TAOK3: variants seen among roughly 807,000 people sequenced by gnomAD.
TAOK3 encodes serine/threonine-protein kinase TAO3.
A neutral mutation model predicts 120.4 loss-of-function variants in TAOK3; 40 were observed. The observed-to-expected ratio is 0.33, with a 90% CI of 0.26 to 0.43. The LOEUF (loss-of-function observed/expected upper bound fraction) is 0.43, where lower values mean the gene tolerates loss of function less well. Ranked by LOEUF, TAOK3 falls within the 20% of genes least tolerant of loss-of-function variation. The pLI is 1.00. For missense variants in TAOK3, 821 were observed against 1,112.1 expected (o/e 0.74, Z 3.72); for synonymous variants, 355 against 387.5 (o/e 0.92, Z 0.99).
At chr12:118,151,445 C>G (rs2034430622) in intron 20 of TAOK3, among the ~76,000 whole-genome samples, 1 of 152,172 alleles carries the variant, frequency 6.6e-6, no homozygotes, top group Admixed American at 6.5e-5. Context: ...CAATGCCGTT[C>G]TAGCAAGCCC....
intron 14 of TAOK3, among the ~76,000 whole-genome samples, chr12:118,183,689 TTTAG>T (rs2036905745): frequency 6.6e-6 from 1 of 152,190 alleles, no homozygotes; most frequent in Non-Finnish European, 1.5e-5. Flanking sequence ...AAGGATACCA[TTTAG>T]TCCTTTCTGA....
At chr12:118,321,889 AG>A (rs2043722117) in intron 1 of TAOK3, among the ~76,000 whole-genome samples, 1 of 152,126 alleles carries the variant, frequency 6.6e-6, no homozygotes, top group African/African-American at 2.4e-5. Context: ...AGCCTGGAAA[AG>A]ATGGAAAGGT....
chr12:118,165,268 A>T (rs2035508262), intron 17 of TAOK3, among the ~76,000 whole-genome samples: 1 of 152,164 alleles, frequency 6.6e-6, no homozygotes, highest in Non-Finnish European at 1.5e-5. Context: ...CAGGCCAAGG[A>T]AAGCCCTTTA....
chr12:118,307,881 G>A (rs961416469), intron 1 of TAOK3, among the ~76,000 whole-genome samples: 2 of 151,522 alleles, frequency 1.3e-5, no homozygotes, highest in Non-Finnish European at 1.5e-5. Flanking sequence ...TGGCCATAGC[G>A]AAAAAGGGTT....
intron 1 of TAOK3, among the ~76,000 whole-genome samples, chr12:118,357,325 TTAACTCAG>T (rs1437875912): frequency 6.6e-6 from 1 of 152,258 alleles, no homozygotes; most frequent in Non-Finnish European, 1.5e-5. Context: ...CCTTACGTTT[TTAACTCAG>T]AACTATTTTT....
intron 10 of TAOK3, among the ~76,000 whole-genome samples, 155 bp from the exon 11 acceptor site, chr12:118,213,150 CG>C (rs2038714844): frequency 6.6e-6 from 1 of 152,086 alleles, no homozygotes; most frequent in South Asian, 2.1e-4. Context: ...TTTCAAGTTA[CG>C]ATATCTAAAA....
chr12:118,158,765 C>T (rs1266103403), intron 19 of TAOK3, among the ~76,000 whole-genome samples: 3 of 152,156 alleles, frequency 2.0e-5, no homozygotes, highest in African/African-American at 7.2e-5. Flanking sequence ...CACGGTTCAA[C>T]AGCTCTCCAT....
chr12:118,334,389 A>G (rs1207899224), intron 1 of TAOK3, among the ~76,000 whole-genome samples: 1 of 152,116 alleles, frequency 6.6e-6, no homozygotes, highest in African/African-American at 2.4e-5. Flanking sequence ...AAATATCATG[A>G]CTCAACTTAT....
intron 2 of TAOK3, among the ~76,000 whole-genome samples, chr12:118,264,150 A>G (rs556376602): frequency 6.6e-6 from 1 of 152,264 alleles, no homozygotes; most frequent in South Asian, 2.1e-4. Flanking sequence ...GTAAAATGGT[A>G]AAACACTTTG....
intron 9 of TAOK3, among the ~76,000 whole-genome samples, chr12:118,222,839 G>A (rs1251013773): frequency 6.6e-6 from 1 of 152,074 alleles, no homozygotes; most frequent in African/African-American, 2.4e-5. Flanking sequence ...CAGTACTCAG[G>A]TGACAAGTGC....
At chr12:118,361,367 G>A (rs1331038519) in intron 1 of TAOK3, among the ~76,000 whole-genome samples, 1 of 152,032 alleles carries the variant, frequency 6.6e-6, no homozygotes, top group Non-Finnish European at 1.5e-5. Flanking sequence ...GTAAATTCAA[G>A]GCTGCTCCAA....
rs2041461812 is a variant in TAOK3, at chr12:118,266,651, A to G, written c.-89+4T>C. ...AGGAGAAAGCTAAGTTGTATGGACA[A>G]TACCTTTTTGTGTGTGGCACAAAAT... On this transcript the variant is annotated splice_donor_region_variant and intron_variant, in intron 2 of 20. Transcript: ENST00000392533. The G allele has an allele frequency of 2.5e-6, 1 of 398,010 alleles. No homozygotes were observed. Among genetic ancestry groups the G allele is most frequent in the Admixed American group, 4.4e-5 (1 of 22,704 alleles). The allele number at this position is 398,010 out of a possible 1,614,324, so 24.7% of individuals were successfully genotyped here.
At chr12:118,337,221 C>T (rs567537086) in intron 1 of TAOK3, among the ~76,000 whole-genome samples, 1 of 152,226 alleles carries the variant, frequency 6.6e-6, no homozygotes, top group South Asian at 2.1e-4. Context: ...TTACTACTTA[C>T]CTATCAGAAT....
intron 1 of TAOK3, among the ~76,000 whole-genome samples, chr12:118,296,235 G>A (rs1026322611): frequency 1.3e-5 from 2 of 152,110 alleles, no homozygotes; most frequent in Non-Finnish European, 2.9e-5. Context: ...AGATTCAAGC[G>A]ATTCTCCTGA....
chr12:118,256,460 A>T (rs945317131), intron 2 of TAOK3, among the ~76,000 whole-genome samples: 3 of 152,248 alleles, frequency 2.0e-5, no homozygotes, highest in Admixed American at 2.0e-4. Flanking sequence ...TTGTGCACAA[A>T]TGTTCATAGC....
At chr12:118,251,787 C>T (rs2040763611) in intron 3 of TAOK3, among the ~76,000 whole-genome samples, 1 of 151,232 alleles carries the variant, frequency 6.6e-6, no homozygotes, top group Non-Finnish European at 1.5e-5. Flanking sequence ...TTATTGTAGT[C>T]ATTCTGAAAC....
intron 1 of TAOK3, among the ~76,000 whole-genome samples, chr12:118,297,919 A>G (rs1421833362): frequency 6.6e-6 from 1 of 152,186 alleles, no homozygotes; most frequent in Non-Finnish European, 1.5e-5. Context: ...AATGAAGACT[A>G]TAAGCACGCA....
Position 118,214,008 on chromosome 12 carries a change from G to C in TAOK3, c.737+9C>G. The C allele has an allele frequency of 6.3e-7, 1 of 1,595,900 alleles. No homozygotes were observed. Among genetic ancestry groups the C allele is most frequent in the Non-Finnish European group, 8.6e-7 (1 of 1,164,914 alleles). ...TTCTTAGAGATTTAAAATGATAGCA[G>C]AGTCTTACCATTCATTAGACTGTAA... is the stretch of plus-strand genomic sequence containing the variant. On this transcript the variant is annotated intron_variant, in intron 10 of 20. Coordinates refer to ENST00000392533, the MANE Select transcript of TAOK3 (RefSeq NM_016281.4).
intron 9 of TAOK3, among the ~76,000 whole-genome samples, chr12:118,218,389 C>A (rs1370724643): frequency 6.6e-6 from 1 of 152,076 alleles, no homozygotes; most frequent in Admixed American, 6.6e-5. Flanking sequence ...TTCCCGTTCC[C>A]CCCTGCATAT....
Sources: gnomAD v4.1 joint callset for allele counts (sites outside exome capture counted in the v4.1 genomes callset) on GRCh38, gnomAD v4.1.1 for gene constraint, MANE v1.5 for transcripts, NCBI Gene and HGNC (gene_info 2026-07-23, HGNC 2026-07-21) for gene names.